The following FSTL5 variants were observed in gnomAD, a reference collection of about 807,000 sequenced individuals.
FSTL5 encodes follistatin like 5.
In FSTL5, 62 loss-of-function variants were observed where a neutral mutation model predicts 89.1. The observed-to-expected ratio is 0.70, with a 90% CI of 0.57 to 0.86. The LOEUF (loss-of-function observed/expected upper bound fraction) is 0.86. Ranked by LOEUF, FSTL5 falls within the 40% of genes least tolerant of loss-of-function variation. FSTL5 has a pLI of 0.00. For synonymous variants in FSTL5, 383 were observed against 346.2 expected (o/e 1.11, Z -1.18); for missense variants, 1,057 against 1,001.6 (o/e 1.06, Z -0.75).
At chr4:161,876,041 C>A (rs1430489813) in intron 4 of FSTL5, among the ~76,000 whole-genome samples, 1 of 151,778 alleles carries the variant, frequency 6.6e-6, no homozygotes, top group Non-Finnish European at 1.5e-5. Context: ...AGTATAACAA[C>A]ACTCATAAAG....
At chr4:161,890,810 A>T (rs1009802837) in intron 4 of FSTL5, among the ~76,000 whole-genome samples, 10 of 152,176 alleles carry the variant, frequency 6.6e-5, no homozygotes, top group African/African-American at 1.9e-4. Flanking sequence ...TCAGTTAATG[A>T]AAACCATAAG....
At chr4:161,979,531 T>A (rs1735756389) in intron 3 of FSTL5, among the ~76,000 whole-genome samples, 2 of 148,402 alleles carry the variant, frequency 1.3e-5, no homozygotes, top group African/African-American at 5.1e-5. Context: ...CCTTTCTGTC[T>A]CTCTCTCTCT....
At chr4:161,722,594 TC>T (rs1739254374) in intron 6 of FSTL5, among the ~76,000 whole-genome samples, 1 of 152,176 alleles carries the variant, frequency 6.6e-6, no homozygotes, top group African/African-American at 2.4e-5. Context: ...ATGATGTATT[TC>T]CTTATAATGG....
chr4:162,132,077 G>A (rs17042015), intron 1 of FSTL5, among the ~76,000 whole-genome samples: 14,527 of 152,232 alleles, frequency 0.095, 886 homozygotes, highest in African/African-American at 0.16. Flanking sequence ...ACCTCAAAGC[G>A]TTTGAATTAA....
At chr4:161,723,360 AT>A (rs1220675135) in intron 6 of FSTL5, among the ~76,000 whole-genome samples, 3 of 152,194 alleles carry the variant, frequency 2.0e-5, no homozygotes, top group African/African-American at 7.2e-5. Context: ...TTAAAAAAAA[AT>A]CAGTGGACAA....
At chr4:162,141,103 TC>T (rs1732715601) in intron 1 of FSTL5, among the ~76,000 whole-genome samples, 1 of 100,050 alleles carries the variant, frequency 1.0e-5, no homozygotes, top group African/African-American at 3.7e-5. Flanking sequence ...CCCTCCCTTC[TC>T]TCTTTTTTTT....
At chr4:161,438,643 T>G (rs1278860633) in intron 15 of FSTL5, among the ~76,000 whole-genome samples, 1 of 152,102 alleles carries the variant, frequency 6.6e-6, no homozygotes. Flanking sequence ...TAAAAGTAAA[T>G]GAACAAAATA....
intron 3 of FSTL5, among the ~76,000 whole-genome samples, chr4:162,013,580 T>C (rs1736830787): frequency 6.6e-6 from 1 of 152,192 alleles, no homozygotes; most frequent in South Asian, 2.1e-4. Context: ...CTAGGCTTAT[T>C]CTCCATAGGT....
intron 4 of FSTL5, among the ~76,000 whole-genome samples, chr4:161,889,410 T>A (rs1732916890): frequency 6.6e-6 from 1 of 152,092 alleles, no homozygotes; most frequent in East Asian, 1.9e-4. Context: ...CTGGAGGCCG[T>A]GGTTGGGCAA....
Position 161,924,097 on chromosome 4 carries a change from C to A in FSTL5, c.161-3445G>T, listed in dbSNP as rs1266128729. On this transcript the variant is annotated intron_variant, in intron 3 of 15. Transcript: ENST00000306100. ...TAAGTACATTCAGTCAGATAACACA[C>A]TAAATGAATTTTAATCAAGAACTTA... 3.3e-5 allele frequency among the ~76,000 whole-genome samples: 5 copies of A among 151,570 alleles called. No individual in the cohort carries two copies. The East Asian group carries it at 9.7e-4, about 29-fold the overall frequency.
At chr4:161,600,162 C>T (rs1433483806) in intron 7 of FSTL5, among the ~76,000 whole-genome samples, 2 of 120,790 alleles carry the variant, frequency 1.7e-5, no homozygotes, top group Non-Finnish European at 3.2e-5. Flanking sequence ...TCAATAAACA[C>T]ACACACACAC....
At chr4:161,943,096 T>G (rs1229543234) in intron 3 of FSTL5, among the ~76,000 whole-genome samples, 1 of 152,004 alleles carries the variant, frequency 6.6e-6, no homozygotes, top group African/African-American at 2.4e-5. Context: ...TGGAAAAGAA[T>G]AAAACATCTA....
At chr4:161,850,602 C>G (rs533166398) in intron 4 of FSTL5, among the ~76,000 whole-genome samples, 16 of 152,196 alleles carry the variant, frequency 1.1e-4, no homozygotes, top group African/African-American at 3.4e-4. Flanking sequence ...GGGCATCTGT[C>G]AATTATCACT....
chr4:161,837,129 G>T (rs940049442), intron 4 of FSTL5, among the ~76,000 whole-genome samples: 2 of 152,066 alleles, frequency 1.3e-5, no homozygotes, highest in Non-Finnish European at 2.9e-5. Flanking sequence ...TGAAAATAGG[G>T]TTTAAAAAGA....
intron 4 of FSTL5, among the ~76,000 whole-genome samples, chr4:161,839,521 G>A (rs1005234045): frequency 6.6e-6 from 1 of 152,006 alleles, no homozygotes; most frequent in African/African-American, 2.4e-5. Flanking sequence ...TAAAACCTAC[G>A]GAAGCACTCA....
intron 7 of FSTL5, among the ~76,000 whole-genome samples, chr4:161,624,498 T>G (rs1389611848): frequency 1.3e-5 from 2 of 151,792 alleles, no homozygotes; most frequent in Non-Finnish European, 1.5e-5. Flanking sequence ...TTATCATTTA[T>G]AATATAAATT....
chr4:161,661,102 CAT>C (rs1263972605), intron 6 of FSTL5, among the ~76,000 whole-genome samples: 3 of 151,956 alleles, frequency 2.0e-5, no homozygotes. Context: ...GATTTTAACA[CAT>C]ATAGAAAAAA....
chr4:161,784,696 C>A (rs374474348), intron 4 of FSTL5, among the ~76,000 whole-genome samples: 104 of 151,994 alleles, frequency 6.8e-4, no homozygotes, highest in African/African-American at 2.3e-3. Flanking sequence ...AGATCGAGAC[C>A]ATCCTGGCTA....
At chr4:162,074,850 C>G (rs1329714634) in intron 2 of FSTL5, among the ~76,000 whole-genome samples, 1 of 151,686 alleles carries the variant, frequency 6.6e-6, no homozygotes, top group Non-Finnish European at 1.5e-5. Context: ...ACTTAGCCTA[C>G]TAAACATCAT....
Sources: gnomAD v4.1 joint callset for allele counts (sites outside exome capture counted in the v4.1 genomes callset) on GRCh38, gnomAD v4.1.1 for gene constraint, MANE v1.5 for transcripts, NCBI Gene and HGNC (gene_info 2026-07-23, HGNC 2026-07-21) for gene names.